The following MECOM variants were observed in gnomAD, a reference collection of about 807,000 sequenced individuals.
MECOM encodes the protein histone-lysine N-methyltransferase MECOM.
MECOM carries 13 observed loss-of-function variants against 116.3 expected under a neutral mutation model. The observed-to-expected ratio is 0.11, with a 90% CI of 0.07 to 0.18. The LOEUF is 0.18. Ranked by LOEUF, MECOM falls within the 10% of genes least tolerant of loss-of-function variation. The pLI is 1.00. For missense variants in MECOM, 1,299 were observed against 1,509.0 expected (o/e 0.86, Z 2.31); for synonymous variants, 528 against 535.2 (o/e 0.99, Z 0.19).
intron 1 of MECOM, among the ~76,000 whole-genome samples, chr3:169,616,758 A>T (rs1197125950): frequency 6.6e-6 from 1 of 152,210 alleles, no homozygotes; most frequent in African/African-American, 2.4e-5. Context: ...CACCCTTTAG[A>T]GTTGGGTCAA....
intron 3 of MECOM, chr3:169,133,332 T>C (rs1735369084): frequency 6.6e-6 from 1 of 152,198 alleles, no homozygotes; most frequent in Non-Finnish European, 1.5e-5. Flanking sequence ...TTTGGAAAGA[T>C]GAGAACTTTG....
chr3:169,194,896 G>A (rs1748214403), intron 2 of MECOM, among the ~76,000 whole-genome samples: 1 of 152,014 alleles, frequency 6.6e-6, no homozygotes, highest in Non-Finnish European at 1.5e-5. Context: ...ATTTGAGAGT[G>A]CAAATAAGCA....
intron 1 of MECOM, among the ~76,000 whole-genome samples, chr3:169,546,363 A>G (rs1464657858): frequency 2.0e-5 from 3 of 152,226 alleles, no homozygotes; most frequent in South Asian, 4.1e-4. Flanking sequence ...ACAATTTTCT[A>G]TAAATATTCA....
intron 10 of MECOM, among the ~76,000 whole-genome samples, chr3:169,105,920 A>G (rs1725250289): frequency 6.6e-6 from 1 of 152,154 alleles, no homozygotes; most frequent in Middle Eastern, 3.2e-3. Context: ...AGCAGGCAAG[A>G]TATTATCAAC....
At chr3:169,218,645 T>C (rs1055484365) in intron 2 of MECOM, among the ~76,000 whole-genome samples, 1 of 152,206 alleles carries the variant, frequency 6.6e-6, no homozygotes, top group Admixed American at 6.5e-5. Context: ...TTTTGAATAC[T>C]GTATCCAATT....
At chr3:169,454,012 C>T (rs1489784275) in intron 1 of MECOM, among the ~76,000 whole-genome samples, 5 of 152,104 alleles carry the variant, frequency 3.3e-5, no homozygotes, top group African/African-American at 9.7e-5. Context: ...TGGATATTCC[C>T]AGCCCTGTGC....
intron 2 of MECOM, among the ~76,000 whole-genome samples, chr3:169,198,005 G>T (rs1276782573): frequency 7.2e-5 from 11 of 151,978 alleles, no homozygotes; most frequent in Non-Finnish European, 1.6e-4. Flanking sequence ...ACCAAATCAT[G>T]TTCCTTTTGT....
intron 12 of MECOM, among the ~76,000 whole-genome samples, chr3:169,096,561 C>T (rs368812308): frequency 1.4e-4 from 22 of 152,212 alleles, no homozygotes; most frequent in Non-Finnish European, 2.2e-4. Flanking sequence ...TGAGCCACCG[C>T]GTCCAGCCTC....
intron 2 of MECOM, among the ~76,000 whole-genome samples, chr3:169,153,438 A>G (rs1741470439): frequency 6.6e-6 from 1 of 152,326 alleles, no homozygotes; most frequent in Admixed American, 6.5e-5. Context: ...ATTAGTCTCA[A>G]AAGGTGAAAT....
chr3:169,088,270 A>T (rs1034969995), intron 16 of MECOM, among the ~76,000 whole-genome samples: 3 of 152,204 alleles, frequency 2.0e-5, no homozygotes, highest in Non-Finnish European at 4.4e-5. Flanking sequence ...GTGGATGTCA[A>T]ACAAAAAAGT....
At chr3:169,490,603 A>G (rs1037107915) in intron 1 of MECOM, among the ~76,000 whole-genome samples, 6 of 152,244 alleles carry the variant, frequency 3.9e-5, no homozygotes, top group Non-Finnish European at 5.9e-5. Flanking sequence ...GAAGAATGAT[A>G]TGTACAGTAT....
chr3:169,235,353 T>C (rs1248206273), intron 2 of MECOM, among the ~76,000 whole-genome samples: 1 of 152,156 alleles, frequency 6.6e-6, no homozygotes, highest in African/African-American at 2.4e-5. Flanking sequence ...TTCTAGAATA[T>C]GGAAAGAGAC....
chr3:169,481,078 GC>G (rs946730554), intron 1 of MECOM, among the ~76,000 whole-genome samples: 3 of 151,840 alleles, frequency 2.0e-5, no homozygotes, highest in African/African-American at 7.3e-5. Flanking sequence ...AATAACACCT[GC>G]CCCCCCAAAA....
At chr3:169,191,786 G>C (rs1051339071) in intron 2 of MECOM, among the ~76,000 whole-genome samples, 1 of 147,936 alleles carries the variant, frequency 6.8e-6, no homozygotes, top group African/African-American at 2.5e-5. Flanking sequence ...AAGAAAGAAA[G>C]AAAGAAAGGG....
chr3:169,372,819 C>T (rs1730368188), intron 2 of MECOM, among the ~76,000 whole-genome samples: 2 of 151,916 alleles, frequency 1.3e-5, no homozygotes, highest in African/African-American at 4.8e-5. Context: ...TCCTACGTGA[C>T]ATGTAAATAA....
chr3:169,263,106 TATATATATATATATATATATA>T (rs1560060912), intron 2 of MECOM, among the ~76,000 whole-genome samples: 75 of 99,334 alleles, frequency 7.6e-4, no homozygotes, highest in East Asian at 1.4e-3. Flanking sequence ...TATATATATA[TATATATATATATATATATATA>T]TGTTTTTTTT....
At chr3:169,465,400 A>G (rs1748124278) in intron 1 of MECOM, among the ~76,000 whole-genome samples, 1 of 152,236 alleles carries the variant, frequency 6.6e-6, no homozygotes, top group Admixed American at 6.5e-5. Flanking sequence ...AGTGCTCAGA[A>G]TAGTGGCTGG....
intron 1 of MECOM, among the ~76,000 whole-genome samples, chr3:169,533,226 T>C (rs532259490): frequency 4.5e-4 from 69 of 152,310 alleles, no homozygotes; most frequent in Middle Eastern, 3.4e-3. Flanking sequence ...TCTGTGATTA[T>C]AGATATATAT....
chr3:169,224,334 A>T (rs1391020212), intron 2 of MECOM, among the ~76,000 whole-genome samples: 1 of 152,168 alleles, frequency 6.6e-6, no homozygotes, highest in Non-Finnish European at 1.5e-5. Flanking sequence ...AGTGGATGGA[A>T]ATTCAAAGCA....
Sources: allele counts gnomAD v4.1 joint callset (sites outside exome capture counted in the v4.1 genomes callset), GRCh38; gene constraint gnomAD v4.1.1; transcripts MANE v1.5; gene names NCBI Gene and HGNC (gene_info 2026-07-23, HGNC 2026-07-21).